The following RAPGEF6 variants were observed in gnomAD, a reference collection of about 807,000 sequenced individuals.
RAPGEF6 encodes PDZ domain containing guanine nucleotide exchange factor (GEF) 2.
In RAPGEF6, 56 loss-of-function variants were observed where a neutral mutation model predicts 171.4. That is an observed-to-expected ratio of 0.33 (90% CI 0.26 to 0.41). The LOEUF is 0.41. Among genes scored for constraint, RAPGEF6 ranks in the 10% least tolerant of loss-of-function variants. The probability of loss-of-function intolerance (pLI) is 1.00; values close to 1 mark genes in which losing one functional copy is unlikely to be tolerated. For synonymous variants in RAPGEF6, 692 were observed against 650.1 expected (o/e 1.06, Z -0.98); for missense variants, 1,674 against 1,921.4 (o/e 0.87, Z 2.41).
intron 4 of RAPGEF6, among the ~76,000 whole-genome samples, chr5:131,578,370 C>G (rs1394306211): frequency 2.0e-5 from 3 of 152,150 alleles, no homozygotes; most frequent in Non-Finnish European, 4.4e-5. Flanking sequence ...ACACAGATGT[C>G]CCCACTCTAT....
At chr5:131,621,607 T>C (rs557697387) in intron 1 of RAPGEF6, among the ~76,000 whole-genome samples, 1 of 152,274 alleles carries the variant, frequency 6.6e-6, no homozygotes, top group South Asian at 2.1e-4. Context: ...ATGCTTTAAA[T>C]CATTACTCTA....
Position 131,510,426 on chromosome 5 carries a change from C to G in RAPGEF6, c.693G>C (p.Glu231Asp). 1 of 1,614,098 alleles carries G rather than the reference C, an allele frequency of 6.2e-7. No individual in the cohort carries two copies. Among genetic ancestry groups the G allele is most frequent in the Non-Finnish European group, 8.5e-7 (1 of 1,180,000 alleles). Residue 231 changes from glutamate (E) to aspartate (D), a missense_variant, in exon 8 of 28, where the codon GAG becomes GAC. This residue lies in a region of RAPGEF6 where 1,116 missense variants were observed against 1,321.5 expected (regional missense o/e 0.84). Coordinates refer to ENST00000509018, the MANE Select transcript of RAPGEF6 (RefSeq NM_016340.6). ...TRLPEGPVDS[E>D]DDEEEDEEID... Reference sequence around the variant, plus strand: ...TCTCTTCATCTTCCTCTTCGTCATCCTCAGAATCAACAGGTCCTTCTGGAA... The same window carrying G: ...TCTCTTCATCTTCCTCTTCGTCATCGTCAGAATCAACAGGTCCTTCTGGAA...
At chr5:131,505,599 A>G (rs1757324298) in intron 9 of RAPGEF6, 77 bp from the exon 10 acceptor site, 1 of 1,273,920 alleles carries the variant, frequency 7.8e-7, no homozygotes, top group Non-Finnish European at 1.1e-6. Context: ...AGAATCTATC[A>G]ATATATATAA....
chr5:131,607,410 T>C (rs2150019818), intron 1 of RAPGEF6, among the ~76,000 whole-genome samples: 1 of 152,338 alleles, frequency 6.6e-6, no homozygotes, highest in Non-Finnish European at 1.5e-5. Context: ...ATAATATTGC[T>C]GCTGAAGCTG....
At chr5:131,445,491 C>CTGTGTGTGTGTGTGTG (rs1447178128) in intron 22 of RAPGEF6, among the ~76,000 whole-genome samples, 7 of 80,814 alleles carry the variant, frequency 8.7e-5, no homozygotes, top group African/African-American at 4.2e-4. Flanking sequence ...TTAACTCACT[C>CTGTGTGTGTGTGTGTG]TCTGTGTGTG....
At chr5:131,496,621 T>G (rs1171384063) in intron 12 of RAPGEF6, among the ~76,000 whole-genome samples, 2 of 152,226 alleles carry the variant, frequency 1.3e-5, no homozygotes, top group African/African-American at 4.8e-5. Flanking sequence ...CCTAGCCTTT[T>G]GTGATTGGCT....
rs553404348 is a variant in RAPGEF6, at chr5:131,588,935, T to G, written c.281+3448A>C. Among the ~76,000 whole-genome samples, 4 of 152,066 alleles carry G rather than the reference T, an allele frequency of 2.6e-5. No homozygotes were observed. The East Asian group carries it at 7.7e-4, about 29-fold the overall frequency. On this transcript the variant is annotated intron_variant, in intron 4 of 27. Coordinates refer to ENST00000509018, the MANE Select transcript of RAPGEF6 (RefSeq NM_016340.6). Reference sequence around the variant, plus strand: ...AAGTATAAAAATTAGCCGGGCATGGTGGTGCATGCCTGTAATCCCAGCTAC... The same window carrying G: ...AAGTATAAAAATTAGCCGGGCATGGGGGTGCATGCCTGTAATCCCAGCTAC...
chr5:131,439,461 G>T (rs1162325888), intron 24 of RAPGEF6, 120 bp downstream of exon 24: 13 of 1,428,074 alleles, frequency 9.1e-6, no homozygotes, highest in Non-Finnish European at 1.2e-5. Context: ...AGTTCAAAAA[G>T]CATTAGGAGT....
chr5:131,599,803 A>G (rs1764120482), intron 3 of RAPGEF6, among the ~76,000 whole-genome samples: 1 of 152,204 alleles, frequency 6.6e-6, no homozygotes, highest in African/African-American at 2.4e-5. Context: ...CAAAATGAGA[A>G]AAACTACATA....
At chr5:131,564,275 G>C (rs941517934) in intron 4 of RAPGEF6, among the ~76,000 whole-genome samples, 1 of 152,194 alleles carries the variant, frequency 6.6e-6, no homozygotes, top group Admixed American at 6.5e-5. Context: ...GTATGCATGA[G>C]CATTTGTGTG....
chr5:131,591,626 T>C (rs1158021111), intron 4 of RAPGEF6, among the ~76,000 whole-genome samples: 1 of 152,164 alleles, frequency 6.6e-6, no homozygotes, highest in Non-Finnish European at 1.5e-5. Context: ...TTTGTAGTAG[T>C]TTCCTAACAC....
chr5:131,523,025 T>A (rs1027684542), intron 6 of RAPGEF6, among the ~76,000 whole-genome samples: 38 of 152,124 alleles, frequency 2.5e-4, no homozygotes, highest in African/African-American at 8.0e-4. Flanking sequence ...ATTAAAAAAA[T>A]TTTTTTTCAC....
chr5:131,457,025 A>T (rs1428897516), intron 19 of RAPGEF6, among the ~76,000 whole-genome samples: 8 of 152,300 alleles, frequency 5.3e-5, no homozygotes, highest in Non-Finnish European at 1.2e-4. Context: ...TCCAAAGCAG[A>T]ACTCTTTCTG....
At chr5:131,533,366 CTAT>C (rs1759539787) in intron 6 of RAPGEF6, among the ~76,000 whole-genome samples, 2 of 151,974 alleles carry the variant, frequency 1.3e-5, no homozygotes, top group Non-Finnish European at 1.5e-5. Flanking sequence ...GCCATATTTC[CTAT>C]TATTATTCAA....
intron 16 of RAPGEF6, among the ~76,000 whole-genome samples, chr5:131,476,524 A>G (rs1755106000): frequency 6.6e-6 from 1 of 152,116 alleles, no homozygotes; most frequent in African/African-American, 2.4e-5. Flanking sequence ...CAGTGGCACG[A>G]GCTTGGCTCG....
At chr5:131,489,056 T>C (rs1026201471) in intron 15 of RAPGEF6, among the ~76,000 whole-genome samples, 10 of 152,214 alleles carry the variant, frequency 6.6e-5, no homozygotes, top group African/African-American at 2.4e-4. Flanking sequence ...AGGTAGAGTA[T>C]GCTCTTATTA....
chr5:131,570,125 C>A (rs1762190326), intron 4 of RAPGEF6, among the ~76,000 whole-genome samples: 1 of 147,814 alleles, frequency 6.8e-6, no homozygotes, highest in Admixed American at 6.8e-5. Flanking sequence ...GAACTTGGAT[C>A]CAAAATAGAT....
Position 131,479,570 on chromosome 5 carries a change from T to C in RAPGEF6, c.2024A>G (p.Lys675Arg), listed in dbSNP as rs776478464. 6.4e-5 allele frequency: 103 copies of C among 1,613,918 alleles called. No homozygotes were observed. In the Admixed American group the frequency reaches 1.7e-3, roughly 26 times the overall value. Reference sequence around the variant, plus strand: ...TGTTTTATCCAAAATCTTCCTGATTTTGTTTCTTCCACCTGAAACAGTATT... The same window carrying C: ...TGTTTTATCCAAAATCTTCCTGATTCTGTTTCTTCCACCTGAAACAGTATT... The part of the protein sequence containing the change: ...KANTVSGGRN[K>R]IRKILDKTRF... Residue 675 changes from lysine to arginine, a missense_variant, in exon 16 of 28, where the codon AAA becomes AGA. Lys to Arg is a conservative substitution (Grantham distance 26). Around this residue, in one of 3 missense-constraint regions of RAPGEF6, gnomAD observed 1,116 missense variants for 1,321.5 expected, o/e 0.84. Coordinates refer to ENST00000509018, the MANE Select transcript of RAPGEF6 (RefSeq NM_016340.6).
chr5:131,450,124 G>C, intron 21 of RAPGEF6: 1 of 1,376,766 alleles, frequency 7.3e-7, no homozygotes, highest in South Asian at 1.2e-5. Context: ...TTGAGAGTCA[G>C]AGAAACTATG....
Sources: gnomAD v4.1 joint callset for allele counts (sites outside exome capture counted in the v4.1 genomes callset) on GRCh38, gnomAD v4.1.1 for gene constraint, gnomAD v4.1.1 regional missense constraint, MANE v1.5 for transcripts, NCBI Gene and HGNC (gene_info 2026-07-23, HGNC 2026-07-21) for gene names.